Variants in MGST2 observed in about 807,000 individuals in gnomAD.
MGST2 encodes glutathione peroxidase MGST2.
In MGST2, 9 loss-of-function variants were observed where a neutral mutation model predicts 16.6. The ratio of observed to expected loss-of-function variants is 0.54; its 90% confidence interval spans 0.33 to 0.95. MGST2 has a LOEUF of 0.95. MGST2 is among the 40% of genes least tolerant of loss of function. The pLI is 0.03. For synonymous variants in MGST2, 79 were observed against 68.0 expected (o/e 1.16, Z -0.79); for missense variants, 159 against 175.1 (o/e 0.91, Z 0.52).
Position 139,685,922 on chromosome 4 carries a change from C to T in MGST2, c.158+7280C>T, listed in dbSNP as rs573546595. Among the ~76,000 whole-genome samples, 4 of 152,286 alleles carry T rather than the reference C, an allele frequency of 2.6e-5. No homozygotes were observed. In the East Asian group the frequency reaches 7.7e-4, roughly 29 times the overall value. ...CAAGTGATCCACCCTCCTTGGCCTC[C>T]CAAAGTGCTGGGATTACAGGCATGA... On this transcript the variant is annotated intron_variant, in intron 2 of 4. Coordinates refer to ENST00000265498, the MANE Select transcript of MGST2 (RefSeq NM_002413.5).
At chr4:139,738,210 T>C (rs1252107441) in intron 5 of MGST2, among the ~76,000 whole-genome samples, 1 of 152,222 alleles carries the variant, frequency 6.6e-6, no homozygotes, top group Non-Finnish European at 1.5e-5. Context: ...GCTGTGTTTC[T>C]GGTGCTAGCT....
At chr4:139,711,327 C>G (rs1392568860) in intron 5 of MGST2, among the ~76,000 whole-genome samples, 1 of 152,058 alleles carries the variant, frequency 6.6e-6, no homozygotes, top group Non-Finnish European at 1.5e-5. Flanking sequence ...AGAATTCTTG[C>G]ACGAGTGAGT....
chr4:139,747,499 G>C, the MGST2 span, among the ~76,000 whole-genome samples: 1 of 152,212 alleles, frequency 6.6e-6, no homozygotes, highest in South Asian at 2.1e-4. Flanking sequence ...TTCAAGACCA[G>C]CATGGCCAAC....
At chr4:139,674,298 C>T (rs1730853979) in intron 1 of MGST2, among the ~76,000 whole-genome samples, 1 of 152,052 alleles carries the variant, frequency 6.6e-6, no homozygotes, top group Non-Finnish European at 1.5e-5. Context: ...ATATCCAGGT[C>T]ATAGGTAGAT....
downstream of MGST2, chr4:139,704,317 G>A (rs138350785): frequency 9.0e-4 from 748 of 827,590 alleles, 3 homozygotes; most frequent in African/African-American, 0.011. Flanking sequence ...AATTTGCTTG[G>A]GGTAGGTACA....
Position 139,698,374 on chromosome 4 carries a change from G to A in MGST2, c.229+3107G>A, listed in dbSNP as rs571178076. On this transcript the variant is annotated intron_variant, in intron 3 of 4. Transcript: ENST00000265498. ...TGGAAGGGAAGTTTGCGAACCAGAA[G>A]TTCAGTGGACTTCTGATAACGTCTA... The A allele has an allele frequency of 2.5e-6, 4 of 1,606,704 alleles. No individual in the cohort carries two copies. The East Asian group carries it at 8.9e-5, about 36-fold the overall frequency.
downstream of MGST2, among the ~76,000 whole-genome samples, chr4:139,744,784 C>A (rs557883013): frequency 6.6e-6 from 1 of 152,008 alleles, no homozygotes; most frequent in African/African-American, 2.4e-5. Context: ...AAAGATGACA[C>A]CAGCTGGTCA....
intron 5 of MGST2, among the ~76,000 whole-genome samples, chr4:139,712,867 T>C (rs1727792628): frequency 2.0e-5 from 3 of 152,260 alleles, no homozygotes; most frequent in Admixed American, 1.3e-4. Flanking sequence ...ATTTCTCCAA[T>C]TGTGTCCTGT....
intron 2 of MGST2, among the ~76,000 whole-genome samples, chr4:139,683,027 A>G (rs1392674519): frequency 6.6e-6 from 1 of 152,284 alleles, no homozygotes; most frequent in Non-Finnish European, 1.5e-5. Flanking sequence ...CTGTTCCTCC[A>G]GTGAGCATGC....
chr4:139,748,053 TAAAAAAAAAAAAA>T, the MGST2 span, among the ~76,000 whole-genome samples: 5 of 95,538 alleles, frequency 5.2e-5, no homozygotes, highest in African/African-American at 2.0e-4. Context: ...AGACTTCGTC[TAAAAAAAAAAAAA>T]AAAAAAAAAA....
intron 2 of MGST2, among the ~76,000 whole-genome samples, chr4:139,683,549 G>A (rs1329877644): frequency 6.6e-6 from 1 of 152,052 alleles, no homozygotes; most frequent in Non-Finnish European, 1.5e-5. Context: ...CAAATACATT[G>A]TTGGTTACAC....
intron 5 of MGST2, among the ~76,000 whole-genome samples, chr4:139,709,404 C>T (rs1388857718): frequency 1.3e-5 from 2 of 151,990 alleles, no homozygotes; most frequent in African/African-American, 2.4e-5. Context: ...ACAATTTAAG[C>T]ATGGAATACA....
intron 5 of MGST2, among the ~76,000 whole-genome samples, chr4:139,709,365 G>A (rs1275654896): frequency 6.6e-6 from 1 of 152,100 alleles, no homozygotes; most frequent in African/African-American, 2.4e-5. Context: ...TTACAGGTGT[G>A]AGCCATCACG....
chr4:139,670,196 G>A (rs1205020071), intron 1 of MGST2, among the ~76,000 whole-genome samples: 1 of 136,344 alleles, frequency 7.3e-6, no homozygotes, highest in African/African-American at 2.7e-5. Context: ...AAGACCTTGA[G>A]GCAGCTTCTT....
intron 3 of MGST2, among the ~76,000 whole-genome samples, chr4:139,701,482 G>A (rs1410988354): frequency 6.6e-6 from 1 of 151,958 alleles, no homozygotes; most frequent in Non-Finnish European, 1.5e-5. Flanking sequence ...CCCCATTTTG[G>A]CAACCTCCTC....
At chr4:139,711,067 G>A (rs954581437) in intron 5 of MGST2, among the ~76,000 whole-genome samples, 3 of 150,738 alleles carry the variant, frequency 2.0e-5, no homozygotes, top group African/African-American at 7.3e-5. Flanking sequence ...TGGTTGGAGT[G>A]CAGTGGCGTG....
chr4:139,685,298 C>G (rs1443754933), intron 2 of MGST2: 2 of 158,898 alleles, frequency 1.3e-5, no homozygotes, highest in Non-Finnish European at 2.9e-5. Flanking sequence ...ACTGAGCATG[C>G]AGCTTTGGGA....
At chr4:139,701,799 GA>G (rs533772371) in intron 3 of MGST2, among the ~76,000 whole-genome samples, 4 of 148,508 alleles carry the variant, frequency 2.7e-5, no homozygotes, top group Non-Finnish European at 4.5e-5. Context: ...CCTTTTCTCT[GA>G]AAAAAAAAAT....
At chr4:139,691,678 T>G in intron 2 of MGST2, among the ~76,000 whole-genome samples, 1 of 142,690 alleles carries the variant, frequency 7.0e-6, no homozygotes, top group African/African-American at 2.9e-5. Flanking sequence ...ATGATGATGA[T>G]GATGATGATG....
Sources: gnomAD v4.1 joint callset for allele counts (sites outside exome capture counted in the v4.1 genomes callset) on GRCh38, gnomAD v4.1.1 for gene constraint, MANE v1.5 for transcripts, NCBI Gene and HGNC (gene_info 2026-07-23, HGNC 2026-07-21) for gene names.